Variants in EFHD1 observed in about 807,000 individuals in gnomAD.
EFHD1 encodes the protein EF-hand domain-containing protein D1.
EFHD1 carries 10 observed loss-of-function variants against 17.2 expected under a neutral mutation model. The ratio of observed to expected loss-of-function variants is 0.58; its 90% CI spans 0.36 to 0.99. EFHD1 has a LOEUF of 0.99. Among genes scored for constraint, EFHD1 ranks in the 50% least tolerant of loss-of-function variants. The probability of loss-of-function intolerance (pLI) is 0.01; values close to 1 mark genes in which losing one functional copy is unlikely to be tolerated. For synonymous variants in EFHD1, 153 were observed against 142.0 expected (o/e 1.08, Z -0.55); for missense variants, 310 against 327.5 (o/e 0.95, Z 0.41).
chr2:232,621,601 C>T (rs35006349), intron 1 of EFHD1, among the ~76,000 whole-genome samples: 34,890 of 151,932 alleles, frequency 0.23, 4,539 homozygotes, highest in East Asian at 0.58. Flanking sequence ...TATGGGCACC[C>T]GCCACCATGC....
chr2:232,608,774 A>G (rs1693762706), intron 1 of EFHD1, among the ~76,000 whole-genome samples: 1 of 151,994 alleles, frequency 6.6e-6, no homozygotes, highest in Non-Finnish European at 1.5e-5. Flanking sequence ...ACTAAAAAGT[A>G]CAAAAATTAG....
intron 2 of EFHD1, among the ~76,000 whole-genome samples, chr2:232,669,330 C>A (rs1177370313): frequency 1.3e-5 from 2 of 152,176 alleles, no homozygotes; most frequent in Admixed American, 6.6e-5. Flanking sequence ...TGACCGTCGG[C>A]CTCTCCGTGG....
In EFHD1 at chr2:232,646,436, C is replaced by CTTT. The variant is rs71398729; in HGVS notation, c.302+12454_302+12456dup. 2.2e-3 allele frequency among the ~76,000 whole-genome samples: 151 copies of CTTT among 67,174 alleles called. 20 individuals carry two copies. Among genetic ancestry groups the CTTT allele is most frequent in the South Asian group, 3.7e-3 (5 of 1,338 alleles). The allele number at this position is 67,174 out of a possible 152,430, so 44.1% of individuals were successfully genotyped here. On this transcript the variant is annotated intron_variant, in intron 1 of 3. Transcript: ENST00000264059. ...TCTCTCTTTTCTCTTCTCTTCTCTT[C>CTTT]TTTTTTTTTTTTTTTTTTTTTTTTT...
chr2:232,676,212 G>A (rs910222263), intron 3 of EFHD1, among the ~76,000 whole-genome samples: 2 of 152,056 alleles, frequency 1.3e-5, no homozygotes, highest in South Asian at 2.1e-4. Context: ...CCTATTCCCA[G>A]AATGGCTGTG....
At chr2:232,620,765 A>G (rs1183469502) in intron 1 of EFHD1, among the ~76,000 whole-genome samples, 1 of 152,202 alleles carries the variant, frequency 6.6e-6, no homozygotes, top group African/African-American at 2.4e-5. Context: ...GTTGTGCTGC[A>G]GATTCCGAAA....
chr2:232,646,152 C>T (rs915804216), intron 1 of EFHD1, among the ~76,000 whole-genome samples: 28 of 152,340 alleles, frequency 1.8e-4, no homozygotes, highest in African/African-American at 6.7e-4. Context: ...TTGCTTCCCT[C>T]TTCACAAGTT....
intron 1 of EFHD1, among the ~76,000 whole-genome samples, chr2:232,609,380 A>G (rs1272695099): frequency 6.6e-6 from 1 of 152,138 alleles, no homozygotes; most frequent in East Asian, 1.9e-4. Flanking sequence ...GAGTTCTTAA[A>G]GTGAAAATGA....
At position 232,633,685 on chromosome 2, in the gene EFHD1, G is replaced by T; in HGVS notation, c.-20G>T. On this transcript the variant is annotated 5_prime_UTR_variant, in exon 1 of 4. Coordinates refer to ENST00000264059, the MANE Select transcript of EFHD1 (RefSeq NM_025202.4). ...TCCCGTCCCGCGTCCCCGCGTTCCC[G>T]CGTCCTGCGATCCGCCGCCATGGCC... 1 of 1,413,690 alleles carries T rather than the reference G, an allele frequency of 7.1e-7. No homozygotes were observed. The highest frequency in any genetic ancestry group is 9.1e-7 in the Non-Finnish European group (1 of 1,095,086). The allele number at this position is 1,413,690 out of a possible 1,614,324, so 87.6% of individuals were successfully genotyped here.
chr2:232,679,766 T>G (rs535909424), intron 3 of EFHD1, among the ~76,000 whole-genome samples: 25 of 146,832 alleles, frequency 1.7e-4, no homozygotes, highest in African/African-American at 3.5e-4. Context: ...ATATAATAAC[T>G]GAATAGAAAC....
intron 1 of EFHD1, among the ~76,000 whole-genome samples, chr2:232,659,567 A>G (rs924948747): frequency 3.3e-5 from 5 of 152,134 alleles, no homozygotes; most frequent in Non-Finnish European, 7.4e-5. Flanking sequence ...AGCCTTAACT[A>G]CTGCCAGTCC....
chr2:232,673,721 A>G (rs1318818998), intron 3 of EFHD1, among the ~76,000 whole-genome samples: 2 of 152,122 alleles, frequency 1.3e-5, no homozygotes, highest in Non-Finnish European at 2.9e-5. Context: ...AAAAGTATAA[A>G]TTAACCCAGC....
chr2:232,606,458 C>T lies in EFHD1; in HGVS notation c.14+285C>T, dbSNP rs1035787010. 5.4e-6 allele frequency: 3 copies of T among 557,810 alleles called. No individual in the cohort carries two copies. The African/African-American group carries it at 5.6e-5, about 10-fold the overall frequency. 34.6% of individuals were successfully genotyped at this position (557,810 alleles called of 1,614,324 possible). A position where few individuals can be genotyped will look rare whatever the true frequency, so the allele number is the denominator to read the frequency against. ...GGTGTGCTGAAGTCCCCATCGTCCT[C>T]CCCTGGAATGTCAGTGAATGAGGAA... On this transcript the variant is annotated intron_variant, in intron 1 of 3. Transcript: ENST00000409613.
intron 1 of EFHD1, among the ~76,000 whole-genome samples, chr2:232,634,970 G>T (rs1181154043): frequency 1.3e-5 from 2 of 152,206 alleles, no homozygotes; most frequent in Non-Finnish European, 2.9e-5. Flanking sequence ...CCGCGTGGAG[G>T]TTCTATTTAA....
At chr2:232,606,292 G>A (rs1300217856) in intron 1 of EFHD1, 2 of 1,226,846 alleles carry the variant, frequency 1.6e-6, no homozygotes, top group South Asian at 1.3e-5. Context: ...CGCCACCGGA[G>A]GGCACTCCCG....
At chr2:232,606,736 A>G (rs2106269542) in intron 1 of EFHD1, 1 of 150,600 alleles carries the variant, frequency 6.6e-6, no homozygotes, top group East Asian at 2.0e-4. Context: ...AAAAAAAAAA[A>G]AAAATTAGCC....
chr2:232,615,587 C>T (rs1037246478), intron 1 of EFHD1, among the ~76,000 whole-genome samples: 4 of 151,944 alleles, frequency 2.6e-5, no homozygotes, highest in Middle Eastern at 6.8e-3. Flanking sequence ...CTCTGAGAGT[C>T]TGCAGGACGC....
chr2:232,614,691 T>C lies in EFHD1; in HGVS notation c.14+8518T>C, dbSNP rs147841543. Among the ~76,000 whole-genome samples the C allele has an allele frequency of 2.6e-3, 396 of 152,312 alleles. 1 individual carries two copies. The highest frequency in any genetic ancestry group is 9.2e-3 in the African/African-American group (384 of 41,566). ...TTTTTATTTTTAGTTTTAAAAATCATTTGGCCAGGCGCAGTGGCTAATGCC... is the reference window on the plus strand; with the variant it reads ...TTTTTATTTTTAGTTTTAAAAATCACTTGGCCAGGCGCAGTGGCTAATGCC... On this transcript the variant is annotated intron_variant, in intron 1 of 3. Coordinates refer to the EFHD1 transcript ENST00000409613.
chr2:232,662,911 G>A lies in EFHD1; in HGVS notation c.412G>A (p.Val138Met). The change falls in exon 2 of 4, where the codon GTG (valine) becomes ATG (methionine). Residue 138 changes from valine to methionine, a missense_variant. By Grantham distance (21) the Val-to-Met change is conservative. Coordinates refer to ENST00000264059, the MANE Select transcript of EFHD1 (RefSeq NM_025202.4). ...HLGLKSMIKE[V>M]DEDFDGKLSF... ...GGGCCTGAAGAGCATGATCAAGGAGGTGGATGAGGACTTCGATGGCAAGCT... is the reference window on the plus strand; with the variant it reads ...GGGCCTGAAGAGCATGATCAAGGAGATGGATGAGGACTTCGATGGCAAGCT... 6.3e-7 allele frequency: 1 copy of A among 1,594,698 alleles called. No individual in the cohort carries two copies. Among genetic ancestry groups the A allele is most frequent in the Non-Finnish European group, 8.5e-7 (1 of 1,172,798 alleles).
intron 2 of EFHD1, among the ~76,000 whole-genome samples, chr2:232,668,451 C>T (rs1695005716): frequency 6.6e-6 from 1 of 151,984 alleles, no homozygotes; most frequent in Admixed American, 6.6e-5. Context: ...GGAAGGGACC[C>T]GTGAGGAGAG....
Sources: allele counts gnomAD v4.1 joint callset (sites outside exome capture counted in the v4.1 genomes callset), GRCh38; gene constraint gnomAD v4.1.1; transcripts MANE v1.5; gene names NCBI Gene and HGNC (gene_info 2026-07-23, HGNC 2026-07-21).